NDUFAF6: variants seen among roughly 807,000 people sequenced by gnomAD.
The protein encoded by NDUFAF6 is NADH dehydrogenase (ubiquinone) complex I, assembly factor 6.
In NDUFAF6, 45 loss-of-function variants were observed where a neutral mutation model predicts 40.8. The observed-to-expected ratio is 1.10, with a 90% CI of 0.87 to 1.42. NDUFAF6 has a LOEUF of 1.42. Ranked by LOEUF, NDUFAF6 falls within the 40% of genes most tolerant of loss-of-function variation. The probability of loss-of-function intolerance (pLI) is 0.00; values close to 1 mark genes in which losing one functional copy is unlikely to be tolerated. For missense variants in NDUFAF6, 435 were observed against 418.5 expected, an observed-to-expected ratio of 1.04 and a Z score of -0.34; for synonymous variants, 185 against 155.9, an observed-to-expected ratio of 1.19 and a Z score of -1.39.
intron 1 of NDUFAF6, among the ~76,000 whole-genome samples, chr8:94,918,625 GCA>G: frequency 6.6e-6 from 1 of 152,146 alleles, no homozygotes; most frequent in Non-Finnish European, 1.5e-5. Context: ...GCATTAGAGA[GCA>G]CCCCGCATGG....
intron 2 of NDUFAF6, among the ~76,000 whole-genome samples, chr8:95,010,193 A>G (rs1270411358): frequency 6.6e-6 from 1 of 152,104 alleles, no homozygotes; most frequent in Non-Finnish European, 1.5e-5. Flanking sequence ...AGTTCAAGCA[A>G]TTCTCCTGCC....
At chr8:95,102,753 G>A (rs1809689395) in intron 2 of NDUFAF6, among the ~76,000 whole-genome samples, 1 of 152,182 alleles carries the variant, frequency 6.6e-6, no homozygotes, top group African/African-American at 2.4e-5. Flanking sequence ...AAGCAGCCAT[G>A]CTCCCAGTGA....
At chr8:94,965,896 A>G (rs1823976390) in intron 1 of NDUFAF6, among the ~76,000 whole-genome samples, 1 of 152,206 alleles carries the variant, frequency 6.6e-6, no homozygotes, top group Non-Finnish European at 1.5e-5. Context: ...TAAAAACCCT[A>G]TGAAGTAATA....
intron 8 of NDUFAF6, 152 bp downstream of exon 8, chr8:95,052,382 C>G: frequency 2.4e-6 from 2 of 830,642 alleles, no homozygotes; most frequent in Non-Finnish European, 3.9e-6. Context: ...GTTACTGATG[C>G]TTTTGCTGAG....
intron 2 of NDUFAF6, chr8:94,988,989 A>C (rs940843464): frequency 6.6e-6 from 1 of 152,234 alleles, no homozygotes; most frequent in Non-Finnish European, 1.5e-5. Flanking sequence ...GCTAAATCTA[A>C]GGACATAAAG....
At chr8:94,963,422 A>C (rs1823762301) in intron 1 of NDUFAF6, among the ~76,000 whole-genome samples, 1 of 152,192 alleles carries the variant, frequency 6.6e-6, no homozygotes, top group Admixed American at 6.5e-5. Flanking sequence ...TGCTATGGAA[A>C]CCCAGAAAAG....
At chr8:94,941,449 A>G (rs1333031687) in intron 1 of NDUFAF6, among the ~76,000 whole-genome samples, 1 of 152,236 alleles carries the variant, frequency 6.6e-6, no homozygotes, top group East Asian at 1.9e-4. Context: ...TCAACTGCTC[A>G]GAAGTCCCAG....
chr8:95,038,760 G>A (rs946302433), intron 3 of NDUFAF6, among the ~76,000 whole-genome samples: 7 of 151,712 alleles, frequency 4.6e-5, no homozygotes. Flanking sequence ...TCACTGCAAC[G>A]TCTGCTTCCT....
At chr8:94,961,366 A>G (rs753570606) in intron 1 of NDUFAF6, among the ~76,000 whole-genome samples, 23 of 152,354 alleles carry the variant, frequency 1.5e-4, no homozygotes, top group Admixed American at 6.5e-4. Flanking sequence ...TTTCATCTGC[A>G]TTGTTTAAAC....
chr8:95,089,864 C>T (rs529241152), intron 2 of NDUFAF6, among the ~76,000 whole-genome samples: 13 of 152,306 alleles, frequency 8.5e-5, no homozygotes, highest in South Asian at 4.1e-4. Context: ...TTTTAGTTAA[C>T]GTCACAACAG....
At position 95,074,881 on chromosome 8, in the gene NDUFAF6, G is replaced by A. The variant is rs150997823; in HGVS notation, c.*512-752G>A. Among the ~76,000 whole-genome samples, 569 of 152,294 alleles carry A rather than the reference G, an allele frequency of 3.7e-3. 2 individuals carry two copies. The highest frequency in any genetic ancestry group is 7.0e-3 in the Non-Finnish European group (478 of 68,022). ...AGAGCCCTTAGATCAAGGGCCTCAT[G>A]TTATGATTAGGCTTTGCAAACTCCA... On this transcript the variant is annotated intron_variant and NMD_transcript_variant, in intron 9 of 9. Coordinates refer to the NDUFAF6 transcript ENST00000520757.
upstream of NDUFAF6, chr8:95,023,266 A>ATT (rs1158731962): frequency 2.0e-5 from 3 of 152,218 alleles, no homozygotes; most frequent in East Asian, 5.8e-4. Context: ...GTCACTGGTG[A>ATT]TGAAAGGGTA....
At chr8:94,950,545 A>G (rs1005690640) in intron 2 of NDUFAF6, among the ~76,000 whole-genome samples, 1 of 152,234 alleles carries the variant, frequency 6.6e-6, no homozygotes, top group African/African-American at 2.4e-5. Context: ...TGCTGGTTTT[A>G]AAGGATGTAA....
chr8:95,080,288 G>A (rs1281660719), downstream of NDUFAF6, among the ~76,000 whole-genome samples: 1 of 151,218 alleles, frequency 6.6e-6, no homozygotes. Flanking sequence ...TATTTTTGTA[G>A]TGTATTTTTT....
chr8:95,006,449 T>C (rs1414417498), intron 2 of NDUFAF6, among the ~76,000 whole-genome samples: 1 of 152,180 alleles, frequency 6.6e-6, no homozygotes, highest in Non-Finnish European at 1.5e-5. Flanking sequence ...TATCAGGTTT[T>C]ATTTTCAGAC....
At position 95,000,954 on chromosome 8, in the gene NDUFAF6, CTT is replaced by C. The variant is rs1158530408; in HGVS notation, c.-84+19999_-84+20000del. Among the ~76,000 whole-genome samples, 94 of 133,928 alleles carry C rather than the reference CTT, an allele frequency of 7.0e-4. 1 individual carries two copies. The highest frequency in any genetic ancestry group is 2.8e-3 in the Admixed American group (37 of 13,214). 87.9% of individuals were successfully genotyped at this position (133,928 alleles called of 152,430 possible). A position where few individuals can be genotyped will look rare whatever the true frequency, so the allele number is the denominator to read the frequency against. ...TCTGTTTCCAAATTGCTTCCCCTTACTTTTTTTTTTTTTTTTTTTGAGACAGG... is the reference window on the plus strand; with the variant it reads ...TCTGTTTCCAAATTGCTTCCCCTTACTTTTTTTTTTTTTTTTTGAGACAGG... On this transcript the variant is annotated intron_variant, in intron 2 of 9. Transcript: ENST00000396111.
intron 2 of NDUFAF6, among the ~76,000 whole-genome samples, chr8:94,997,716 T>C (rs1011856495): frequency 6.6e-6 from 1 of 152,206 alleles, no homozygotes; most frequent in African/African-American, 2.4e-5. Flanking sequence ...GGAACCCAGG[T>C]CTGTAATAAG....
At chr8:95,078,658 A>ATATATATAT (rs1434290595), downstream of NDUFAF6, 30 of 62,692 alleles carry the variant, frequency 4.8e-4, no homozygotes, top group African/African-American at 1.4e-3. Context: ...TTAAAAAAAA[A>ATATATATAT]AAAAATATAT....
Position 95,025,112 on chromosome 8 carries a change from G to C in NDUFAF6, c.104G>C (p.Arg35Pro). 1 of 1,479,068 alleles carries C rather than the reference G, an allele frequency of 6.8e-7. No individual in the cohort carries two copies. 91.6% of individuals were successfully genotyped at this position (1,479,068 alleles called of 1,614,324 possible). The part of the protein sequence containing the change: ...PPLGLYARMR[R>P]LPGPEVSGRS... ...CTGGGTCTGTACGCGCGCATGCGGC[G>C]GCTGCCCGGGCCGGAGGTGTCTGGG... Residue 35 changes from arginine to proline, a missense_variant, in exon 1 of 9, where the codon CGG becomes CCG. Arg to Pro is a moderately radical substitution (Grantham distance 103). Transcript: ENST00000396124.
Sources: allele counts gnomAD v4.1 joint callset (sites outside exome capture counted in the v4.1 genomes callset), GRCh38; gene constraint gnomAD v4.1.1; transcripts MANE v1.5; gene names NCBI Gene and HGNC (gene_info 2026-07-23, HGNC 2026-07-21).